Variants in FSTL5 observed in about 807,000 individuals in gnomAD.
FSTL5 encodes follistatin-related protein 5.
Under a neutral mutation model 89.1 loss-of-function variants are expected in FSTL5, and 62 were observed. The observed-to-expected ratio is 0.70, with a 90% CI of 0.57 to 0.86. The LOEUF (loss-of-function observed/expected upper bound fraction) is 0.86. Ranked by LOEUF, FSTL5 falls within the 40% of genes least tolerant of loss-of-function variation. The pLI, the probability that FSTL5 is intolerant of heterozygous loss-of-function variation, is 0.00. For synonymous variants in FSTL5, 383 were observed against 346.2 expected, an observed-to-expected ratio of 1.11 and a Z score of -1.18; for missense variants, 1,057 against 1,001.6, an observed-to-expected ratio of 1.06 and a Z score of -0.75.
chr4:161,741,487 A>AT (rs149865200), intron 6 of FSTL5, among the ~76,000 whole-genome samples: 1,769 of 152,118 alleles, frequency 0.012, 42 homozygotes, highest in South Asian at 0.07. Flanking sequence ...TTTTTACCTT[A>AT]TTCTGACCTA....
intron 2 of FSTL5, among the ~76,000 whole-genome samples, chr4:162,092,375 A>G (rs1730582936): frequency 6.6e-6 from 1 of 152,200 alleles, no homozygotes; most frequent in Admixed American, 6.5e-5. Context: ...ATATTTTTCT[A>G]CAAGTTTACA....
Position 161,419,051 on chromosome 4 carries a change from T to C in FSTL5, c.1842-32602A>G, listed in dbSNP as rs1005444397. Among the ~76,000 whole-genome samples, 3 of 152,252 alleles carry C rather than the reference T, an allele frequency of 2.0e-5. No individual in the cohort carries two copies. The East Asian group carries it at 5.8e-4, about 29-fold the overall frequency. ...TATTCCCAAAACAGCTTCCTAAACA[T>C]CTTAAACACACTTCTCAATCACATT... is the stretch of plus-strand genomic sequence containing the variant. On this transcript the variant is annotated intron_variant, in intron 15 of 15. Transcript: ENST00000306100.
chr4:161,734,081 A>C (rs1402856516), intron 6 of FSTL5, among the ~76,000 whole-genome samples: 1 of 152,182 alleles, frequency 6.6e-6, no homozygotes, highest in African/African-American at 2.4e-5. Context: ...TCAATGAGAA[A>C]GTATGAAAAG....
At chr4:161,734,320 T>A (rs1422557582) in intron 6 of FSTL5, among the ~76,000 whole-genome samples, 1 of 152,178 alleles carries the variant, frequency 6.6e-6, no homozygotes, top group Non-Finnish European at 1.5e-5. Flanking sequence ...TTCTAGCTTA[T>A]ATAATTTACA....
intron 7 of FSTL5, among the ~76,000 whole-genome samples, chr4:161,592,934 T>A (rs1733878965): frequency 6.6e-6 from 1 of 152,144 alleles, no homozygotes; most frequent in African/African-American, 2.4e-5. Flanking sequence ...TCTAGCTTTT[T>A]AAGTTGTAAT....
chr4:162,160,832 CA>C (rs565052083), intron 1 of FSTL5, among the ~76,000 whole-genome samples: 6 of 146,886 alleles, frequency 4.1e-5, no homozygotes, highest in African/African-American at 1.0e-4. Context: ...CAAAACAAAA[CA>C]AAAAAAAAGC....
intron 13 of FSTL5, among the ~76,000 whole-genome samples, chr4:161,478,790 A>T (rs899578149): frequency 6.6e-6 from 1 of 152,072 alleles, no homozygotes; most frequent in Non-Finnish European, 1.5e-5. Context: ...AATAAATTTA[A>T]GCAAGTAGGT....
At chr4:161,865,610 C>T (rs1377971735) in intron 4 of FSTL5, among the ~76,000 whole-genome samples, 2 of 152,062 alleles carry the variant, frequency 1.3e-5, no homozygotes, top group South Asian at 2.1e-4. Context: ...GTTACTATAA[C>T]GTTACAATAT....
At chr4:161,953,405 A>G (rs1734949061) in intron 3 of FSTL5, among the ~76,000 whole-genome samples, 1 of 151,676 alleles carries the variant, frequency 6.6e-6, no homozygotes. Context: ...GTAATGAGTT[A>G]TGGTTAAATA....
chr4:161,729,146 T>G (rs1739516897), intron 6 of FSTL5, among the ~76,000 whole-genome samples: 1 of 152,236 alleles, frequency 6.6e-6, no homozygotes, highest in Non-Finnish European at 1.5e-5. Flanking sequence ...CCTGTGGTTT[T>G]ACTTTCAGTA....
At chr4:161,776,986 T>C (rs1446172799) in intron 4 of FSTL5, among the ~76,000 whole-genome samples, 5 of 151,838 alleles carry the variant, frequency 3.3e-5, no homozygotes, top group African/African-American at 1.2e-4. Flanking sequence ...CTGTATTTTG[T>C]ACCCAACCAA....
intron 8 of FSTL5, among the ~76,000 whole-genome samples, chr4:161,585,129 G>A (rs1164211786): frequency 6.6e-6 from 1 of 152,078 alleles, no homozygotes; most frequent in Non-Finnish European, 1.5e-5. Flanking sequence ...ATGAAACAGG[G>A]AAGCCGCCTT....
At chr4:161,451,434 G>A (rs1261777135) in intron 15 of FSTL5, among the ~76,000 whole-genome samples, 1 of 152,116 alleles carries the variant, frequency 6.6e-6, no homozygotes, top group African/African-American at 2.4e-5. Flanking sequence ...AAAAATGAGA[G>A]GAAGCCAGGC....
intron 2 of FSTL5, among the ~76,000 whole-genome samples, chr4:162,069,490 C>A (rs1276939307): frequency 6.6e-6 from 1 of 151,718 alleles, no homozygotes; most frequent in Non-Finnish European, 1.5e-5. Context: ...GAACTTATTC[C>A]TCCTATTTAG....
At chr4:161,474,471 T>G (rs536008161) in intron 13 of FSTL5, among the ~76,000 whole-genome samples, 1 of 152,196 alleles carries the variant, frequency 6.6e-6, no homozygotes, top group Non-Finnish European at 1.5e-5. Flanking sequence ...TCATATTAGA[T>G]TTTGTGATTG....
intron 2 of FSTL5, among the ~76,000 whole-genome samples, chr4:162,051,855 TATC>T (rs1415889270): frequency 1.3e-5 from 2 of 151,570 alleles, no homozygotes; most frequent in African/African-American, 2.4e-5. Flanking sequence ...TAGCTTTAAT[TATC>T]ATGAAACAAG....
rs550343023 is a variant in FSTL5, at chr4:161,538,790, A to T, written c.1178-490T>A. Among the ~76,000 whole-genome samples the T allele has an allele frequency of 9.0e-4, 137 of 152,012 alleles. 2 individuals carry two copies. The South Asian group carries it at 0.026, about 29-fold the overall frequency. The stretch of plus-strand genomic sequence containing the variant: ...ATTATTATTTTTATTGTGAGACAGA[A>T]TCTCATTCTGTCACCCATGCTGGAG... On this transcript the variant is annotated intron_variant, in intron 9 of 15. Transcript: ENST00000306100.
Position 161,920,573 on chromosome 4 carries a change from T to C in FSTL5, c.240A>G (p.Arg80=). ...CGLGRHCVTS[R]ETGQAECACM... Reference sequence around the variant, plus strand: ...AGGCACATTCTGCTTGCCCTGTCTCTCTGCTGGTAACACAGTGTCTTCCCA... The same window carrying C: ...AGGCACATTCTGCTTGCCCTGTCTCCCTGCTGGTAACACAGTGTCTTCCCA... The change falls in exon 4 of 16, where the codon AGA becomes AGG. Residue 80 remains arginine (R), a synonymous_variant. Transcript: ENST00000306100. 4 of 1,614,022 alleles carry C rather than the reference T, an allele frequency of 2.5e-6. No homozygotes were observed. Among genetic ancestry groups the C allele is most frequent in the Non-Finnish European group, 3.4e-6 (4 of 1,179,976 alleles).
intron 6 of FSTL5, among the ~76,000 whole-genome samples, chr4:161,685,481 T>A (rs1329439702): frequency 6.6e-6 from 1 of 152,164 alleles, no homozygotes. Context: ...TTAGGTATAT[T>A]CCTAAGTGTT....
Sources: gnomAD v4.1 joint callset for allele counts (sites outside exome capture counted in the v4.1 genomes callset) on GRCh38, gnomAD v4.1.1 for gene constraint, MANE v1.5 for transcripts, NCBI Gene and HGNC (gene_info 2026-07-23, HGNC 2026-07-21) for gene names.